The following MSI2 variants were observed in gnomAD, a reference collection of about 807,000 sequenced individuals.
MSI2 encodes the protein musashi RNA binding protein 2.
Under a neutral mutation model 45.6 loss-of-function variants are expected in MSI2, and 17 were observed. The ratio of observed to expected loss-of-function variants is 0.37; its 90% CI spans 0.26 to 0.56. MSI2 has a LOEUF of 0.56. Ranked by LOEUF, MSI2 falls within the 20% of genes least tolerant of loss-of-function variation. The probability of loss-of-function intolerance (pLI) is 0.77; values close to 1 mark genes in which losing one functional copy is unlikely to be tolerated. For synonymous variants in MSI2, 156 were observed against 158.2 expected, an observed-to-expected ratio of 0.99 and a Z score of 0.11; for missense variants, 293 against 444.2, an observed-to-expected ratio of 0.66 and a Z score of 3.06.
At chr17:57,396,872 C>T (rs950591012) in intron 5 of MSI2, among the ~76,000 whole-genome samples, 1 of 152,148 alleles carries the variant, frequency 6.6e-6, no homozygotes, top group Non-Finnish European at 1.5e-5. Flanking sequence ...AAAGGAGGGG[C>T]GCCTGCTGGG....
intron 12 of MSI2, among the ~76,000 whole-genome samples, chr17:57,676,699 A>C (rs1013144058): frequency 5.3e-4 from 81 of 152,286 alleles, no homozygotes; most frequent in African/African-American, 1.9e-3. Context: ...CATGCCCATC[A>C]CTGGGGGCAC....
intron 11 of MSI2, among the ~76,000 whole-genome samples, chr17:57,667,438 G>C (rs533728662): frequency 1.5e-4 from 23 of 152,140 alleles, no homozygotes; most frequent in African/African-American, 5.6e-4. Context: ...ACCATCCTGC[G>C]TTTGAGACTC....
At chr17:57,458,378 G>A (rs1040904264) in intron 6 of MSI2, among the ~76,000 whole-genome samples, 1 of 152,142 alleles carries the variant, frequency 6.6e-6, no homozygotes, top group Admixed American at 6.5e-5. Context: ...GGGATTATAG[G>A]CGTGAGCCAC....
chr17:57,294,304 T>C (rs945057378), intron 5 of MSI2, among the ~76,000 whole-genome samples: 1 of 152,182 alleles, frequency 6.6e-6, no homozygotes, highest in African/African-American at 2.4e-5. Context: ...GGGTGCTGTT[T>C]GAGCATCTGG....
intron 5 of MSI2, among the ~76,000 whole-genome samples, chr17:57,354,506 TG>T (rs1287433226): frequency 1.3e-5 from 2 of 151,276 alleles, no homozygotes; most frequent in East Asian, 3.9e-4. Flanking sequence ...TGATTCCAGG[TG>T]GGGGAGGGGT....
At position 57,603,784 on chromosome 17, in the gene MSI2, C is replaced by T. The variant is rs142041619; in HGVS notation, c.537+6834C>T. ...AAAACTCATGGCAGCTGGGTTTGGCCTGCTGGCCACAGTTTGTTGACTCCT... is the reference window on the plus strand; with the variant it reads ...AAAACTCATGGCAGCTGGGTTTGGCTTGCTGGCCACAGTTTGTTGACTCCT... On this transcript the variant is annotated intron_variant, in intron 8 of 13. Transcript: ENST00000284073. Among the ~76,000 whole-genome samples, 87 of 152,376 alleles carry T rather than the reference C, an allele frequency of 5.7e-4. No homozygotes were observed. The East Asian group carries it at 0.015, about 27-fold the overall frequency.
At chr17:57,658,837 AGT>A (rs997789787) in intron 11 of MSI2, among the ~76,000 whole-genome samples, 5 of 152,106 alleles carry the variant, frequency 3.3e-5, no homozygotes, top group Non-Finnish European at 7.4e-5. Context: ...AGGGGTGGAA[AGT>A]GTGGTGGTGT....
intron 6 of MSI2, among the ~76,000 whole-genome samples, chr17:57,420,983 A>G (rs953798035): frequency 2.0e-5 from 3 of 152,200 alleles, no homozygotes; most frequent in African/African-American, 7.2e-5. Flanking sequence ...AGTTTTGGCA[A>G]TCGTATTGCA....
At chr17:57,450,936 A>G (rs1440692210) in intron 6 of MSI2, among the ~76,000 whole-genome samples, 2 of 152,072 alleles carry the variant, frequency 1.3e-5, no homozygotes, top group Admixed American at 1.3e-4. Context: ...GAAGAGGGGA[A>G]GTTTGATGGA....
intron 8 of MSI2, among the ~76,000 whole-genome samples, chr17:57,613,619 C>T (rs942148793): frequency 7.2e-5 from 11 of 152,184 alleles, no homozygotes; most frequent in Non-Finnish European, 1.6e-4. Context: ...AATTTCCACC[C>T]CTCCACACTA....
chr17:57,696,051 G>C, the MSI2 span, among the ~76,000 whole-genome samples: 6 of 152,156 alleles, frequency 3.9e-5, no homozygotes, highest in East Asian at 7.7e-4. Flanking sequence ...AGCCACACTG[G>C]GGGTTAGGGT....
chr17:57,467,074 C>T (rs2085343297), intron 6 of MSI2, among the ~76,000 whole-genome samples: 1 of 152,216 alleles, frequency 6.6e-6, no homozygotes, highest in African/African-American at 2.4e-5. Context: ...TCATCCCTCC[C>T]TACTCACCTT....
At chr17:57,402,446 C>T (rs1033513535) in intron 6 of MSI2, among the ~76,000 whole-genome samples, 9 of 152,192 alleles carry the variant, frequency 5.9e-5, no homozygotes, top group African/African-American at 2.2e-4. Context: ...GCTGCTGAGG[C>T]GTCCTGAGAA....
chr17:57,650,560 T>A (rs1911058579), intron 10 of MSI2, among the ~76,000 whole-genome samples: 1 of 152,192 alleles, frequency 6.6e-6, no homozygotes, highest in African/African-American at 2.4e-5. Flanking sequence ...CCAGTCACCA[T>A]GCATGGTCTC....
chr17:57,551,202 A>T (rs1567894099), intron 7 of MSI2, among the ~76,000 whole-genome samples: 2 of 152,114 alleles, frequency 1.3e-5, no homozygotes, highest in Non-Finnish European at 2.9e-5. Context: ...CAGTGCCGGG[A>T]GGTAAATGGA....
intron 5 of MSI2, among the ~76,000 whole-genome samples, chr17:57,388,985 T>TC (rs1172421339): frequency 2.7e-5 from 4 of 146,766 alleles, no homozygotes; most frequent in Non-Finnish European, 4.5e-5. Flanking sequence ...CTTCTTCTTT[T>TC]TTTTTTTTTT....
At chr17:57,597,320 T>G (rs766970170) in intron 8 of MSI2, among the ~76,000 whole-genome samples, 1 of 151,980 alleles carries the variant, frequency 6.6e-6, no homozygotes, top group Non-Finnish European at 1.5e-5. Context: ...AAAATATTAA[T>G]TTTTTAACCA....
At chr17:57,613,105 CCTATCAGTGACAGT>C (rs762746663) in intron 8 of MSI2, among the ~76,000 whole-genome samples, 5 of 152,138 alleles carry the variant, frequency 3.3e-5, no homozygotes, top group Non-Finnish European at 7.3e-5. Flanking sequence ...TTCTAATAGC[CCTATCAGTGACAGT>C]CTATTGCATT....
chr17:57,414,392 AT>A (rs202045087), intron 6 of MSI2, among the ~76,000 whole-genome samples: 12,213 of 146,038 alleles, frequency 0.084, 595 homozygotes, highest in African/African-American at 0.14. Flanking sequence ...TAAAATTAGG[AT>A]TTTTTTTTTT....
Sources: gnomAD v4.1 joint callset for allele counts (sites outside exome capture counted in the v4.1 genomes callset) on GRCh38, gnomAD v4.1.1 for gene constraint, MANE v1.5 for transcripts, NCBI Gene and HGNC (gene_info 2026-07-23, HGNC 2026-07-21) for gene names.